CSTF2: variants seen among roughly 807,000 people sequenced by gnomAD.
CSTF2 encodes cleavage stimulation factor subunit 2.
Under a neutral mutation model 45.4 loss-of-function variants are expected in CSTF2, and 8 were observed. The ratio of observed to expected loss-of-function variants is 0.18; its 90% CI spans 0.10 to 0.32. The LOEUF (loss-of-function observed/expected upper bound fraction) is 0.32, where lower values mean the gene tolerates loss of function less well. Ranked by LOEUF, CSTF2 falls within the 10% of genes least tolerant of loss-of-function variation. The probability of loss-of-function intolerance (pLI) is 1.00; values close to 1 mark genes in which losing one functional copy is unlikely to be tolerated. For missense variants in CSTF2, 253 were observed against 477.1 expected (o/e 0.53, Z 4.38); for synonymous variants, 155 against 158.9 (o/e 0.98, Z 0.18).
At chrX:100,835,963 A>G (rs2085005816) in intron 11 of CSTF2, among the ~76,000 whole-genome samples, 1 of 111,825 alleles carries the variant, frequency 8.9e-6, no homozygotes, top group Non-Finnish European at 1.9e-5. Flanking sequence ...CTATGGAAAT[A>G]AAAAATTTTA....
At chrX:100,820,521 T>A in intron 1 of CSTF2, 47 bp downstream of exon 1, 1 of 1,124,332 alleles carries the variant, frequency 8.9e-7, no homozygotes, top group Non-Finnish European at 1.2e-6. Flanking sequence ...GACTCCCCTC[T>A]GCACCTTCTA....
At chrX:100,833,559 G>C in intron 11 of CSTF2, 87 bp downstream of exon 11, 1 of 916,288 alleles carries the variant, frequency 1.1e-6, no homozygotes, top group Non-Finnish European at 1.5e-6. Flanking sequence ...ACTGCCTTCT[G>C]ACTTGGGCTG....
chrX:100,830,711 T>C, intron 8 of CSTF2: 1 of 664,357 alleles, frequency 1.5e-6, no homozygotes, highest in Non-Finnish European at 2.3e-6. Flanking sequence ...AACTTATATA[T>C]GTAAATCTCA....
chrX:100,828,913 A>G (rs1466082413), intron 8 of CSTF2, among the ~76,000 whole-genome samples: 1 of 112,285 alleles, frequency 8.9e-6, no homozygotes, highest in Non-Finnish European at 1.9e-5. Context: ...GGGACAAGGT[A>G]AGTAAATATT....
chrX:100,840,481 C>G, intron 13 of CSTF2, among the ~76,000 whole-genome samples: 1 of 111,646 alleles, frequency 9.0e-6, no homozygotes, highest in Non-Finnish European at 1.9e-5. Flanking sequence ...CCAATAGCAA[C>G]TAGTACTCCA....
chrX:100,835,546 C>CTT (rs2085003241), intron 11 of CSTF2, among the ~76,000 whole-genome samples: 1 of 65,094 alleles, frequency 1.5e-5, no homozygotes. Context: ...CTGTTCTATA[C>CTT]CTTTTTTTTT....
intron 8 of CSTF2, among the ~76,000 whole-genome samples, chrX:100,830,612 A>T (rs1457139812): frequency 8.9e-6 from 1 of 111,847 alleles, no homozygotes; most frequent in Non-Finnish European, 1.9e-5. Flanking sequence ...TATCTGGTCA[A>T]AATGGAACTA....
chrX:100,838,045 T>C (rs1219315083), intron 12 of CSTF2, among the ~76,000 whole-genome samples, 194 bp from the exon 13 acceptor site: 1 of 111,398 alleles, frequency 9.0e-6, no homozygotes, highest in Non-Finnish European at 1.9e-5. Context: ...ACCAGTTTTT[T>C]TTTATTTTTT....
At chrX:100,828,383 C>T (rs1339341889) in intron 8 of CSTF2, among the ~76,000 whole-genome samples, 1 of 111,731 alleles carries the variant, frequency 9.0e-6, no homozygotes, top group Non-Finnish European at 1.9e-5. Flanking sequence ...GACTTTCCAC[C>T]TGGTGATTCA....
Position 100,826,695 on chromosome X carries a change from C to T in CSTF2, c.764C>T (p.Pro255Leu). Residue 255 changes from proline to leucine, a missense_variant, in exon 7 of 14, where the codon CCA becomes CTA. Coordinates refer to ENST00000372972, the MANE Select transcript of CSTF2 (RefSeq NM_001325.3). ...CAAGCTTCTATGCAGGGTGGAGTTC[C>T]AGCACCAGGGCAAATGCCAGCTGCT... ...LMQASMQGGV[P>L]APGQMPAAVT... 1 of 1,210,475 alleles carries T rather than the reference C, an allele frequency of 8.3e-7. No individual in the cohort carries two copies. Among genetic ancestry groups the T allele is most frequent in the Non-Finnish European group, 1.1e-6 (1 of 894,760 alleles).
At chrX:100,830,954 C>T (rs1483413602) in intron 8 of CSTF2, 5 of 788,562 alleles carry the variant, frequency 6.3e-6, no homozygotes, top group Admixed American at 5.9e-5. Flanking sequence ...CAGTCATCCT[C>T]GCGTTCAGAA....
chrX:100,822,993 C>G (rs1447541449), intron 3 of CSTF2, among the ~76,000 whole-genome samples: 2 of 111,633 alleles, frequency 1.8e-5, no homozygotes, highest in Admixed American at 1.9e-4. Context: ...GCGTATTTTT[C>G]TCTTTTAACC....
At position 100,831,615 on chromosome X, in the gene CSTF2, G is replaced by A. The variant is rs2084976028; in HGVS notation, c.990G>A (p.Arg330=). ...TAGGAGATGCTCCGAATGATCCACG[G>A]GGAGGCACTTTACTTTCTGTAACTG... ...GLLGDAPNDP[R]GGTLLSVTGE... is the part of the protein sequence containing the mutation. The change falls in exon 9 of 14, where the codon CGG becomes CGA. Residue 330 remains arginine, a synonymous_variant. Coordinates refer to ENST00000372972, the MANE Select transcript of CSTF2 (RefSeq NM_001325.3). 3 of 1,209,489 alleles carry A rather than the reference G, an allele frequency of 2.5e-6. No homozygotes were observed. Among genetic ancestry groups the A allele is most frequent in the African/African-American group, 1.8e-5 (1 of 57,116 alleles).
intron 9 of CSTF2, among the ~76,000 whole-genome samples, chrX:100,832,130 T>TC (rs2084979247): frequency 9.0e-6 from 1 of 111,216 alleles, no homozygotes; most frequent in East Asian, 2.8e-4. Flanking sequence ...GGCAGGAGAA[T>TC]CGCTTGAACC....
At chrX:100,831,793 G>GTT in intron 9 of CSTF2, 137 bp downstream of exon 9, 1 of 599,463 alleles carries the variant, frequency 1.7e-6, no homozygotes. Flanking sequence ...CACTGTCCAA[G>GTT]GGTAAGCACT....
At position 100,840,768 on chromosome X, in the gene CSTF2, T is replaced by C. The variant is rs141629759; in HGVS notation, c.*58T>C. On this transcript the variant is annotated 3_prime_UTR_variant, in exon 14 of 14. Coordinates refer to ENST00000372972, the MANE Select transcript of CSTF2 (RefSeq NM_001325.3). The stretch of plus-strand genomic sequence containing the variant: ...GAAATTCTATAATTTTGTTGAAATA[T>C]TGAAAAAAGATGACCTGCATCCTAA... 785 of 112,104 alleles carry C rather than the reference T, an allele frequency of 7.0e-3. 11 individuals carry two copies. Among genetic ancestry groups the C allele is most frequent in the African/African-American group, 0.025 (757 of 30,885 alleles). 9.2% of individuals were successfully genotyped at this position (112,104 alleles called of 1,213,427 possible).
chrX:100,830,712 G>A, intron 8 of CSTF2: 3 of 672,525 alleles, frequency 4.5e-6, no homozygotes, highest in Non-Finnish European at 6.7e-6. Flanking sequence ...ACTTATATAT[G>A]TAAATCTCAA....
At chrX:100,836,481 C>A (rs1440895398) in intron 11 of CSTF2, among the ~76,000 whole-genome samples, 2 of 112,150 alleles carry the variant, frequency 1.8e-5, no homozygotes, top group East Asian at 5.6e-4. Flanking sequence ...TTCTAATCTG[C>A]TGGGTAAGCA....
At position 100,840,912 on chromosome X, in the gene CSTF2, A is replaced by G. The variant is rs2085036030; in HGVS notation, c.*202A>G. 8.9e-6 allele frequency: 1 copy of G among 112,271 alleles called. No homozygotes were observed. The highest frequency in any genetic ancestry group is 9.4e-5 in the Admixed American group (1 of 10,593). 9.3% of individuals were successfully genotyped at this position (112,271 alleles called of 1,213,427 possible). A position where few individuals can be genotyped will look rare whatever the true frequency, so the allele number is the denominator to read the frequency against. On this transcript the variant is annotated 3_prime_UTR_variant, in exon 14 of 14. Coordinates refer to ENST00000372972, the MANE Select transcript of CSTF2 (RefSeq NM_001325.3). ...TTTCTGTGACTTGAAATAAACTTTG[A>G]ACACAATTTTAGTACACTGCAAATT...
Sources: gnomAD v4.1 joint callset for allele counts (sites outside exome capture counted in the v4.1 genomes callset) on GRCh38, gnomAD v4.1.1 for gene constraint, MANE v1.5 for transcripts, NCBI Gene and HGNC (gene_info 2026-07-23, HGNC 2026-07-21) for gene names.